Variants in NLRP11 observed in about 807,000 individuals in gnomAD.
NLRP11 encodes NLR family pyrin domain containing 11, also known as NACHT, LRR and PYD domains-containing protein 11.
A neutral mutation model predicts 79.3 loss-of-function variants in NLRP11; 53 were observed. The ratio of observed to expected loss-of-function variants is 0.67; its 90% CI spans 0.54 to 0.84. NLRP11 has a LOEUF of 0.84. Ranked by LOEUF, NLRP11 falls within the 40% of genes least tolerant of loss-of-function variation. The pLI is 0.00. For synonymous variants in NLRP11, 518 were observed against 462.6 expected, an observed-to-expected ratio of 1.12 and a Z score of -1.54; for missense variants, 1,264 against 1,255.0, an observed-to-expected ratio of 1.01 and a Z score of -0.11.
At chr19:55,829,937 CAT>C (rs1169243987) in intron 1 of NLRP11, among the ~76,000 whole-genome samples, 1 of 152,164 alleles carries the variant, frequency 6.6e-6, no homozygotes, top group African/African-American at 2.4e-5. Flanking sequence ...AGTAGACTCA[CAT>C]CTATATTGAT....
rs774553005 is a variant in NLRP11, at chr19:55,810,358, G to T, written c.272-20C>A. ...GATTGCCTAATCCAGCGAGTACAGGGCAGAAAATACAGAACAAAGATGAAA... is the reference window on the plus strand; with the variant it reads ...GATTGCCTAATCCAGCGAGTACAGGTCAGAAAATACAGAACAAAGATGAAA... On this transcript the variant is annotated intron_variant, in intron 2 of 9. Coordinates refer to ENST00000589093, the Ensembl canonical transcript of NLRP11. 29 of 1,575,860 alleles carry T rather than the reference G, an allele frequency of 1.8e-5. 1 individual carries two copies. In the South Asian group the frequency reaches 3.4e-4, roughly 19 times the overall value.
chr19:55,831,302 C>T (rs964292672), intron 1 of NLRP11, among the ~76,000 whole-genome samples: 2 of 151,804 alleles, frequency 1.3e-5, no homozygotes, highest in African/African-American at 2.4e-5. Flanking sequence ...GAGCTCACGC[C>T]TGTAATCCCA....
At chr19:55,833,479 T>C (rs145074109), upstream of NLRP11, among the ~76,000 whole-genome samples, 143 of 152,132 alleles carry the variant, frequency 9.4e-4, 2 homozygotes, top group African/African-American at 3.2e-3. Flanking sequence ...TAAGACTTAT[T>C]GGTTGGCCGG....
At chr19:55,802,697 T>A (rs1444406511) in intron 4 of NLRP11, among the ~76,000 whole-genome samples, 1 of 152,030 alleles carries the variant, frequency 6.6e-6, no homozygotes, top group African/African-American at 2.4e-5. Context: ...AGAGCCCCAA[T>A]ACCCAAGACA....
chr19:55,801,499 G>A, intron 5 of NLRP11, 73 bp downstream of exon 5: 4 of 1,197,336 alleles, frequency 3.3e-6, no homozygotes, highest in Non-Finnish European at 4.9e-6. Context: ...TGTTATTGAA[G>A]GGGCACCTCT....
At chr19:55,786,003 C>CAA (rs761856496) in intron 9 of NLRP11, 132 bp from the exon 10 acceptor site, 1 of 912,504 alleles carries the variant, frequency 1.1e-6, no homozygotes, top group Admixed American at 2.7e-5. Context: ...TCTGAGGAAA[C>CAA]AAAAATCTGT....
At chr19:55,800,109 AG>A (rs1315774579) in intron 5 of NLRP11, among the ~76,000 whole-genome samples, 2 of 152,222 alleles carry the variant, frequency 1.3e-5, no homozygotes, top group Non-Finnish European at 2.9e-5. Flanking sequence ...TTGAGAATAC[AG>A]GAGGTGCCGT....
chr19:55,802,537 T>C (rs1979578589), intron 4 of NLRP11, among the ~76,000 whole-genome samples: 1 of 152,148 alleles, frequency 6.6e-6, no homozygotes, highest in African/African-American at 2.4e-5. Context: ...GGAAAAAACA[T>C]TCCATGCTCA....
chr19:55,807,470 C>T (rs2122804566), intron 4 of NLRP11, among the ~76,000 whole-genome samples: 1 of 152,182 alleles, frequency 6.6e-6, no homozygotes, highest in South Asian at 2.1e-4. Context: ...ACTACTTTCC[C>T]AGTCCCCCTT....
At chr19:55,818,198 C>T (rs772677017) in exon 2 of NLRP11, 1 of 1,596,804 alleles carries the variant, frequency 6.3e-7, no homozygotes, top group Admixed American at 1.7e-5. Context: ...GGAAGGCAGA[C>T]TTCAGAGAAG....
chr19:55,788,094 C>CAG (rs931363285), intron 9 of NLRP11, among the ~76,000 whole-genome samples: 2 of 152,056 alleles, frequency 1.3e-5, no homozygotes, highest in African/African-American at 4.8e-5. Context: ...TACTTGGCAA[C>CAG]AGTTAGGTAA....
At chr19:55,804,190 C>T (rs76582587) in intron 4 of NLRP11, among the ~76,000 whole-genome samples, 14,735 of 152,088 alleles carry the variant, frequency 0.097, 954 homozygotes, top group East Asian at 0.22. Context: ...TCGACCATTG[C>T]GGAAAGCAGT....
At position 55,828,308 on chromosome 19, in the gene NLRP11, C is replaced by T. The variant is rs188419687; in HGVS notation, c.-63+3655G>A. Reference sequence around the variant, plus strand: ...GGAGGGAGAGCATTGGGAGATATACCTAATGCTAGATGACAAGTTAGTGGG... The same window carrying T: ...GGAGGGAGAGCATTGGGAGATATACTTAATGCTAGATGACAAGTTAGTGGG... On this transcript the variant is annotated intron_variant, in intron 1 of 9. Coordinates refer to ENST00000589093, the Ensembl canonical transcript of NLRP11. Among the ~76,000 whole-genome samples, 1,352 of 150,464 alleles carry T rather than the reference C, an allele frequency of 9.0e-3. 13 individuals are homozygous for T. Among genetic ancestry groups the T allele is most frequent in the Middle Eastern group, 0.031 (9 of 292 alleles).
In NLRP11 at chr19:55,810,001, G is replaced by A. The variant is rs149856648; in HGVS notation, c.609C>T (p.Ile203=). The A allele has an allele frequency of 4.3e-6, 7 of 1,614,032 alleles. No individual in the cohort carries two copies. The African/African-American group carries it at 5.3e-5, about 12-fold the overall frequency. ...CCTGGCCGTCAGGCCAGTCCTTGGCGATTAGCTCAGCCAAGCTGCTGTTGG... is the reference window on the plus strand; with the variant it reads ...CCTGGCCGTCAGGCCAGTCCTTGGCAATTAGCTCAGCCAAGCTGCTGTTGG... The change falls in exon 3 of 10, where the codon ATC becomes ATT. Residue 203 remains isoleucine, a synonymous_variant. Coordinates refer to ENST00000589093, the Ensembl canonical transcript of NLRP11.
At chr19:55,830,943 C>CA (rs1418465980) in intron 1 of NLRP11, among the ~76,000 whole-genome samples, 1 of 152,108 alleles carries the variant, frequency 6.6e-6, no homozygotes, top group Non-Finnish European at 1.5e-5. Context: ...GGGGAGTTAT[C>CA]AAAAACCCCA....
intron 6 of NLRP11, among the ~76,000 whole-genome samples, chr19:55,794,716 C>T (rs1361185567): frequency 2.6e-5 from 4 of 151,826 alleles, no homozygotes; most frequent in Middle Eastern, 3.4e-3. Context: ...GCCGAGATCG[C>T]GCCACCGCAC....
chr19:55,816,818 G>A (rs923120190), intron 2 of NLRP11, among the ~76,000 whole-genome samples: 6 of 152,142 alleles, frequency 3.9e-5, no homozygotes, highest in African/African-American at 1.4e-4. Context: ...TTTCATATAA[G>A]CTGGTTTGCA....
intron 6 of NLRP11, among the ~76,000 whole-genome samples, chr19:55,793,367 G>C (rs1012964486): frequency 6.6e-6 from 1 of 151,740 alleles, no homozygotes; most frequent in Non-Finnish European, 1.5e-5. Context: ...TCAGGACTTC[G>C]AGACTAGCCT....
intron 2 of NLRP11, among the ~76,000 whole-genome samples, chr19:55,814,739 G>A (rs866648431): frequency 6.6e-5 from 10 of 152,190 alleles, no homozygotes; most frequent in Non-Finnish European, 1.2e-4. Flanking sequence ...AGTGTGCACC[G>A]CTCTCATGGA....
Sources: allele counts gnomAD v4.1 joint callset (sites outside exome capture counted in the v4.1 genomes callset), GRCh38; gene constraint gnomAD v4.1.1; transcripts MANE v1.5; gene names NCBI Gene and HGNC (gene_info 2026-07-23, HGNC 2026-07-21).